The following TENM3 variants were observed in gnomAD, a reference collection of about 807,000 sequenced individuals.
TENM3 encodes teneurin-3.
TENM3 carries 63 observed loss-of-function variants against 255.1 expected under a neutral mutation model. The ratio of observed to expected loss-of-function variants is 0.25; its 90% CI spans 0.20 to 0.30. TENM3 has a LOEUF of 0.30. Among genes scored for constraint, TENM3 ranks in the 10% least tolerant of loss-of-function variants. The pLI is 1.00. For missense variants in TENM3, 2,929 were observed against 3,461.1 expected, an observed-to-expected ratio of 0.85 and a Z score of 3.86; for synonymous variants, 1,306 against 1,322.3, an observed-to-expected ratio of 0.99 and a Z score of 0.27.
chr4:182,728,903 C>G (rs1579261880), intron 13 of TENM3, 62 bp from the exon 14 acceptor site: 2 of 1,274,520 alleles, frequency 1.6e-6, no homozygotes, highest in East Asian at 2.4e-5. Flanking sequence ...AGAAACAAAA[C>G]TGATTCTACA....
At chr4:181,982,405 A>G in the TENM3 span, among the ~76,000 whole-genome samples, 1 of 152,182 alleles carries the variant, frequency 6.6e-6, no homozygotes, top group Admixed American at 6.6e-5. Flanking sequence ...GATGTACAGT[A>G]TTGAAAATGA....
the TENM3 span, among the ~76,000 whole-genome samples, chr4:181,526,832 T>G: frequency 1.3e-5 from 2 of 152,238 alleles, no homozygotes; most frequent in African/African-American, 4.8e-5. Flanking sequence ...TCTGTCTCCC[T>G]TTTTCTCCGA....
At chr4:182,347,635 T>A (rs372499915) in intron 3 of TENM3, among the ~76,000 whole-genome samples, 1 of 198 alleles carries the variant, frequency 5.1e-3, no homozygotes, top group African/African-American at 5.4e-3. Context: ...TTATTGGGAC[T>A]TTTTTTTTCC....
intron 1 of TENM3, among the ~76,000 whole-genome samples, chr4:182,148,798 G>A (rs1750133380): frequency 6.6e-6 from 1 of 151,934 alleles, no homozygotes; most frequent in African/African-American, 2.4e-5. Context: ...TCTGTACCTG[G>A]TCATCTTTGG....
the TENM3 span, among the ~76,000 whole-genome samples, chr4:182,053,741 A>G: frequency 2.6e-4 from 40 of 152,190 alleles, no homozygotes; most frequent in African/African-American, 9.4e-4. Flanking sequence ...ACAGGGCTGA[A>G]CACATCCTAG....
rs543771389 is a variant in TENM3, at chr4:182,494,583, A to G, written c.512-106341A>G. Among the ~76,000 whole-genome samples the G allele has an allele frequency of 3.9e-5, 6 of 152,256 alleles. 1 individual carries two copies. Among genetic ancestry groups the G allele is most frequent in the African/African-American group, 1.4e-4 (6 of 41,534 alleles). On this transcript the variant is annotated intron_variant, in intron 3 of 27. Coordinates refer to ENST00000511685, the MANE Select transcript of TENM3 (RefSeq NM_001080477.4). ...AAATAAGGGGCGACTAATGTAATCT[A>G]TTTTATATTAAATTGCTTGTTTAAT... is the stretch of plus-strand genomic sequence containing the variant.
the TENM3 span, among the ~76,000 whole-genome samples, chr4:181,462,425 T>C: frequency 2.0e-5 from 3 of 152,216 alleles, no homozygotes; most frequent in African/African-American, 7.2e-5. Flanking sequence ...GGGTTTCACT[T>C]GCTGTGCTGT....
intron 22 of TENM3, among the ~76,000 whole-genome samples, chr4:182,765,892 T>G (rs1341463961): frequency 6.6e-6 from 1 of 152,240 alleles, no homozygotes; most frequent in Non-Finnish European, 1.5e-5. Flanking sequence ...GAAATAACAC[T>G]TAACAAAAGT....
chr4:182,115,761 G>T, the TENM3 span, among the ~76,000 whole-genome samples: 22,036 of 151,958 alleles, frequency 0.15, 1,872 homozygotes, highest in Non-Finnish European at 0.19. Flanking sequence ...TCTCTGGTCC[G>T]TACTATCCAT....
intron 3 of TENM3, among the ~76,000 whole-genome samples, chr4:182,581,742 GAAAAATA>G (rs901203979): frequency 6.6e-6 from 1 of 150,438 alleles, no homozygotes; most frequent in Non-Finnish European, 1.5e-5. Flanking sequence ...CTCTCAAAAA[GAAAAATA>G]AAAAAGAAAA....
chr4:182,051,126 C>A, the TENM3 span, among the ~76,000 whole-genome samples: 4 of 151,794 alleles, frequency 2.6e-5, no homozygotes, highest in African/African-American at 9.7e-5. Flanking sequence ...GGTGGATCAC[C>A]TGAGGTCAGG....
At chr4:182,794,211 G>C (rs1278425470) in intron 26 of TENM3, among the ~76,000 whole-genome samples, 2 of 152,156 alleles carry the variant, frequency 1.3e-5, no homozygotes, top group Non-Finnish European at 2.9e-5. Context: ...CCCAATCCCA[G>C]CTCCTCTCCC....
chr4:181,908,487 A>G, the TENM3 span, among the ~76,000 whole-genome samples: 1 of 152,160 alleles, frequency 6.6e-6, no homozygotes. Context: ...TACATTCCAT[A>G]TTGGGTGATA....
the TENM3 span, among the ~76,000 whole-genome samples, chr4:182,060,351 G>T: frequency 1.3e-5 from 2 of 152,150 alleles, no homozygotes; most frequent in Non-Finnish European, 2.9e-5. Flanking sequence ...GCTGGTGGAT[G>T]GGGTATGGTT....
chr4:181,642,703 A>G, the TENM3 span, among the ~76,000 whole-genome samples: 2 of 152,202 alleles, frequency 1.3e-5, no homozygotes, highest in African/African-American at 4.8e-5. Context: ...GAAGGGGTCC[A>G]GTTTCAGTTG....
chr4:182,027,458 C>CT, the TENM3 span, among the ~76,000 whole-genome samples: 7 of 151,648 alleles, frequency 4.6e-5, no homozygotes, highest in Non-Finnish European at 8.8e-5. Context: ...TTTGAATGCC[C>CT]TTTTTTTTCC....
At chr4:182,126,504 A>C in the TENM3 span, among the ~76,000 whole-genome samples, 1 of 152,198 alleles carries the variant, frequency 6.6e-6, no homozygotes, top group East Asian at 1.9e-4. Flanking sequence ...AGACAGTTGG[A>C]TTCAGATGCT....
intron 3 of TENM3, among the ~76,000 whole-genome samples, chr4:182,498,821 C>T (rs1254054929): frequency 6.6e-6 from 1 of 151,592 alleles, no homozygotes; most frequent in African/African-American, 2.4e-5. Flanking sequence ...TGCCATTGCA[C>T]TCCATCTTAG....
At chr4:181,926,445 G>A in the TENM3 span, among the ~76,000 whole-genome samples, 1 of 152,146 alleles carries the variant, frequency 6.6e-6, no homozygotes, top group Non-Finnish European at 1.5e-5. Context: ...AAAGAACCTT[G>A]TGACATTTCT....
Sources: gnomAD v4.1 joint callset for allele counts (sites outside exome capture counted in the v4.1 genomes callset) on GRCh38, gnomAD v4.1.1 for gene constraint, MANE v1.5 for transcripts, NCBI Gene and HGNC (gene_info 2026-07-23, HGNC 2026-07-21) for gene names.